The following SLC25A26 variants were observed in gnomAD, a reference collection of about 807,000 sequenced individuals.
SLC25A26 encodes the protein solute carrier family 25 member 26, also known as mitochondrial S-adenosylmethionine carrier protein.
SLC25A26 carries 36 observed loss-of-function variants against 37.8 expected under a neutral mutation model. The observed-to-expected ratio is 0.95, with a 90% confidence interval of 0.73 to 1.26. SLC25A26 has a LOEUF of 1.26. SLC25A26 is among the 50% of genes most tolerant of loss of function. The pLI, the probability that SLC25A26 is intolerant of heterozygous loss-of-function variation, is 0.00. For missense variants in SLC25A26, 390 were observed against 331.1 expected, an observed-to-expected ratio of 1.18 and a Z score of -1.38; for synonymous variants, 129 against 122.5, an observed-to-expected ratio of 1.05 and a Z score of -0.35.
chr3:66,372,616 A>T (rs1700406918), intron 9 of SLC25A26, among the ~76,000 whole-genome samples: 2 of 152,140 alleles, frequency 1.3e-5, no homozygotes, highest in Admixed American at 1.3e-4. Context: ...CATGGGCTCT[A>T]GTCAGTCTGT....
chr3:66,247,038 G>T (rs1186888965), intron 3 of SLC25A26, among the ~76,000 whole-genome samples: 1 of 151,504 alleles, frequency 6.6e-6, no homozygotes, highest in Admixed American at 6.6e-5. Flanking sequence ...ATTTTTTTTT[G>T]TATTTTTAGT....
intron 5 of SLC25A26, among the ~76,000 whole-genome samples, chr3:66,337,702 TGTA>T (rs762759087): frequency 9.2e-5 from 14 of 152,048 alleles, no homozygotes; most frequent in African/African-American, 1.4e-4. Flanking sequence ...ATAATGCAAA[TGTA>T]GTCATGCTTT....
At chr3:66,278,967 T>C (rs1481686222) in intron 5 of SLC25A26, among the ~76,000 whole-genome samples, 1 of 152,166 alleles carries the variant, frequency 6.6e-6, no homozygotes, top group Admixed American at 6.6e-5. Context: ...TCATGAATGA[T>C]CAGACCATGT....
chr3:66,327,989 T>G (rs1369057061), intron 5 of SLC25A26, among the ~76,000 whole-genome samples: 5 of 152,194 alleles, frequency 3.3e-5, no homozygotes, highest in African/African-American at 1.2e-4. Flanking sequence ...TTAATAGGTT[T>G]GGGAAAGAAT....
chr3:66,244,659 G>C (rs1291388327), intron 3 of SLC25A26, among the ~76,000 whole-genome samples: 5 of 152,144 alleles, frequency 3.3e-5, no homozygotes, highest in Non-Finnish European at 7.4e-5. Context: ...TAGGCAGTCT[G>C]TTCCTACCAT....
chr3:66,321,790 A>G (rs1436080591), intron 5 of SLC25A26, among the ~76,000 whole-genome samples: 1 of 148,556 alleles, frequency 6.7e-6, no homozygotes, highest in Non-Finnish European at 1.5e-5. Context: ...GGTGTATGCT[A>G]GTTAGAATTC....
intron 6 of SLC25A26, among the ~76,000 whole-genome samples, chr3:66,356,784 C>A (rs76077227): frequency 6.6e-6 from 1 of 152,028 alleles, no homozygotes; most frequent in Non-Finnish European, 1.5e-5. Flanking sequence ...TGTGCCAACA[C>A]GTCTGGCTAA....
chr3:66,348,657 T>C (rs912037421), intron 6 of SLC25A26, among the ~76,000 whole-genome samples: 1 of 152,200 alleles, frequency 6.6e-6, no homozygotes, highest in Non-Finnish European at 1.5e-5. Context: ...GGATACTAAA[T>C]TGAGAAAAAA....
chr3:66,369,196 TACAC>T (rs752958891), intron 7 of SLC25A26, among the ~76,000 whole-genome samples: 13 of 152,168 alleles, frequency 8.5e-5, no homozygotes, highest in African/African-American at 1.2e-4. Context: ...TATGTAAACA[TACAC>T]ACTCATTAGT....
chr3:66,313,217 A>G (rs1005622309), intron 5 of SLC25A26, among the ~76,000 whole-genome samples: 37 of 152,098 alleles, frequency 2.4e-4, no homozygotes, highest in Non-Finnish European at 3.8e-4. Flanking sequence ...TGTGTCCTCA[A>G]TGGTATTGCC....
At chr3:66,216,485 T>C (rs2071363002), upstream of SLC25A26, among the ~76,000 whole-genome samples, 1 of 152,150 alleles carries the variant, frequency 6.6e-6, no homozygotes, top group Non-Finnish European at 1.5e-5. Flanking sequence ...CATTCCAGCC[T>C]GGGCAACAGG....
chr3:66,153,186 T>G (rs565908922), intron 1 of SLC25A26, among the ~76,000 whole-genome samples: 209 of 152,306 alleles, frequency 1.4e-3, no homozygotes, highest in African/African-American at 4.9e-3. Flanking sequence ...GTGTTACTAC[T>G]GATATCTAGT....
intron 5 of SLC25A26, among the ~76,000 whole-genome samples, chr3:66,337,966 A>G (rs564045169): frequency 1.3e-5 from 2 of 152,176 alleles, no homozygotes; most frequent in African/African-American, 4.8e-5. Flanking sequence ...TGACAAATGT[A>G]TAGTCGTGTA....
At chr3:66,265,361 G>C (rs1465567817) in intron 5 of SLC25A26, among the ~76,000 whole-genome samples, 2 of 152,134 alleles carry the variant, frequency 1.3e-5, no homozygotes, top group Admixed American at 6.5e-5. Flanking sequence ...GCTTCACATA[G>C]AAGAGACTAT....
At chr3:66,252,900 T>A (rs2073139654) in intron 3 of SLC25A26, among the ~76,000 whole-genome samples, 1 of 152,106 alleles carries the variant, frequency 6.6e-6, no homozygotes, top group Admixed American at 6.6e-5. Context: ...TTTCATGTAG[T>A]ATTTAAAAAA....
chr3:66,290,500 G>T (rs943317712), intron 5 of SLC25A26, among the ~76,000 whole-genome samples: 1 of 152,094 alleles, frequency 6.6e-6, no homozygotes, highest in Non-Finnish European at 1.5e-5. Flanking sequence ...TCAATGCCTG[G>T]TTTATTGAGA....
intron 1 of SLC25A26, among the ~76,000 whole-genome samples, chr3:66,232,916 G>A (rs2072101209): frequency 6.6e-6 from 1 of 152,236 alleles, no homozygotes; most frequent in African/African-American, 2.4e-5. Context: ...GAAGACGACA[G>A]GTATGTCAGA....
chr3:66,319,198 G>A (rs1021447143), intron 5 of SLC25A26, among the ~76,000 whole-genome samples: 1 of 152,052 alleles, frequency 6.6e-6, no homozygotes, highest in Non-Finnish European at 1.5e-5. Context: ...GTATATGATG[G>A]CATAGCTCAT....
At chr3:66,223,038 A>C (rs1427562140) in intron 1 of SLC25A26, among the ~76,000 whole-genome samples, 2 of 152,244 alleles carry the variant, frequency 1.3e-5, no homozygotes, top group Non-Finnish European at 1.5e-5. Flanking sequence ...TATTCTGCCC[A>C]CTGGGTATTG....
Sources: allele counts gnomAD v4.1 joint callset (sites outside exome capture counted in the v4.1 genomes callset), GRCh38; gene constraint gnomAD v4.1.1; transcripts MANE v1.5; gene names NCBI Gene and HGNC (gene_info 2026-07-23, HGNC 2026-07-21).